The following DYM variants were observed in gnomAD, a reference collection of about 807,000 sequenced individuals.
The protein encoded by DYM is dyggve-Melchior-Clausen syndrome protein.
In DYM, 78 loss-of-function variants were observed where a neutral mutation model predicts 93.1. The ratio of observed to expected loss-of-function variants is 0.84; its 90% CI spans 0.70 to 1.01. The LOEUF is 1.01. Among genes scored for constraint, DYM ranks in the 50% least tolerant of loss-of-function variants. DYM has a pLI of 0.00. For synonymous variants in DYM, 321 were observed against 319.7 expected, an observed-to-expected ratio of 1.00 and a Z score of -0.04; for missense variants, 789 against 845.0, an observed-to-expected ratio of 0.93 and a Z score of 0.82.
chr18:49,320,127 AC>A (rs2062351285), intron 8 of DYM, among the ~76,000 whole-genome samples: 1 of 152,134 alleles, frequency 6.6e-6, no homozygotes, highest in East Asian at 1.9e-4. Flanking sequence ...GTCTGATCAG[AC>A]CCCACATTCT....
At chr18:49,229,129 A>G (rs1259606790) in intron 13 of DYM, among the ~76,000 whole-genome samples, 1 of 105,060 alleles carries the variant, frequency 9.5e-6, no homozygotes, top group Admixed American at 1.1e-4. Flanking sequence ...TAATAAAACT[A>G]ATTTTAGATT....
At chr18:49,078,977 T>TTA (rs2077549959) in intron 17 of DYM, among the ~76,000 whole-genome samples, 1 of 152,222 alleles carries the variant, frequency 6.6e-6, no homozygotes, top group Non-Finnish European at 1.5e-5. Flanking sequence ...TGGTACTATG[T>TTA]TATACTTTGT....
intron 14 of DYM, among the ~76,000 whole-genome samples, chr18:49,192,997 T>C (rs1008778375): frequency 1.3e-5 from 2 of 152,190 alleles, no homozygotes; most frequent in South Asian, 4.1e-4. Flanking sequence ...TTGCACAGCA[T>C]GGTGAATATA....
intron 2 of DYM, among the ~76,000 whole-genome samples, chr18:49,419,101 G>A (rs1433580032): frequency 2.0e-5 from 3 of 152,162 alleles, no homozygotes; most frequent in South Asian, 2.1e-4. Flanking sequence ...AGTGGCTCAC[G>A]CCTGTAATAC....
At chr18:49,292,624 A>AAAAAAAAAAAAAAAAAAAAAAC (rs1568189068) in intron 8 of DYM, among the ~76,000 whole-genome samples, 5 of 65,044 alleles carry the variant, frequency 7.7e-5, no homozygotes, top group South Asian at 1.1e-3. Context: ...AAAAAAAAAA[A>AAAAAAAAAAAAAAAAAAAAAAC]ACCCCCACAA....
At chr18:49,145,743 T>C (rs2085056214) in intron 15 of DYM, among the ~76,000 whole-genome samples, 1 of 152,234 alleles carries the variant, frequency 6.6e-6, no homozygotes, top group South Asian at 2.1e-4. Flanking sequence ...CAAAGCTTAT[T>C]CAACAAATTC....
chr18:49,131,707 T>A (rs1188540779), intron 15 of DYM, among the ~76,000 whole-genome samples: 1 of 152,166 alleles, frequency 6.6e-6, no homozygotes. Flanking sequence ...AGTGAGACAA[T>A]CATACCTTCT....
intron 17 of DYM, among the ~76,000 whole-genome samples, chr18:49,058,008 C>A (rs1320364379): frequency 6.6e-6 from 1 of 152,268 alleles, no homozygotes; most frequent in Non-Finnish European, 1.5e-5. Flanking sequence ...GGGCCAGGCA[C>A]AACTGCTGGC....
chr18:49,204,192 T>C (rs1346397701), intron 14 of DYM, among the ~76,000 whole-genome samples: 1 of 152,248 alleles, frequency 6.6e-6, no homozygotes, highest in Non-Finnish European at 1.5e-5. Flanking sequence ...AAGTATTAAC[T>C]AGTCAAGGAC....
intron 13 of DYM, among the ~76,000 whole-genome samples, chr18:49,214,061 C>T (rs189275960): frequency 2.6e-5 from 4 of 152,228 alleles, no homozygotes; most frequent in Admixed American, 2.6e-4. Flanking sequence ...ACAAAAGACA[C>T]GGATTCCCTT....
chr18:49,383,727 T>C (rs2068276921), intron 3 of DYM, among the ~76,000 whole-genome samples: 1 of 152,200 alleles, frequency 6.6e-6, no homozygotes, highest in African/African-American at 2.4e-5. Flanking sequence ...CTCAATGAAA[T>C]AGACAGCTCC....
intron 2 of DYM, among the ~76,000 whole-genome samples, chr18:49,412,246 A>AG (rs2072337958): frequency 6.6e-6 from 1 of 151,702 alleles, no homozygotes; most frequent in African/African-American, 2.4e-5. Context: ...TAAAAAAAAA[A>AG]AAAAAAAAAT....
At chr18:49,096,242 T>G (rs553509743) in intron 17 of DYM, among the ~76,000 whole-genome samples, 1 of 152,220 alleles carries the variant, frequency 6.6e-6, no homozygotes, top group Non-Finnish European at 1.5e-5. Flanking sequence ...AACAGAACAT[T>G]TGCCATCTTT....
At chr18:49,232,337 C>T (rs1434512342) in intron 13 of DYM, among the ~76,000 whole-genome samples, 20 of 150,388 alleles carry the variant, frequency 1.3e-4, no homozygotes, top group African/African-American at 4.9e-4. Context: ...GAAGGGGTCT[C>T]ACTCTGTCAC....
intron 11 of DYM, among the ~76,000 whole-genome samples, chr18:49,265,850 T>C (rs2145374231): frequency 6.7e-6 from 1 of 150,160 alleles, no homozygotes; most frequent in East Asian, 2.0e-4. Flanking sequence ...TAGAAGATGA[T>C]GAATAAAAAT....
chr18:49,438,054 G>A (rs2081014257), intron 1 of DYM, among the ~76,000 whole-genome samples: 1 of 151,992 alleles, frequency 6.6e-6, no homozygotes, highest in Non-Finnish European at 1.5e-5. Flanking sequence ...GGGCGTGGTG[G>A]CACAAGCCTG....
intron 15 of DYM, among the ~76,000 whole-genome samples, chr18:49,124,093 A>G (rs1414736688): frequency 2.6e-5 from 4 of 152,242 alleles, no homozygotes; most frequent in Non-Finnish European, 5.9e-5. Context: ...TGTTTAAATA[A>G]GTAATTTGCT....
chr18:49,277,203 G>T lies in DYM; in HGVS notation c.1125+4794C>A, dbSNP rs373407154. On this transcript the variant is annotated intron_variant, in intron 10 of 17. Coordinates refer to ENST00000675505, the MANE Select transcript of DYM (RefSeq NM_001353214.3). ...ATGGATATGAGATACAGGTAATCAG[G>T]ACTGCAAATACAGAACTGAACATAT... is the stretch of plus-strand genomic sequence containing the variant. 5.3e-5 allele frequency among the ~76,000 whole-genome samples: 8 copies of T among 152,262 alleles called. No homozygotes were observed. In the East Asian group the frequency reaches 1.4e-3, roughly 26 times the overall value.
chr18:49,317,688 C>CTTT (rs2062115660), intron 8 of DYM, among the ~76,000 whole-genome samples: 1 of 88,640 alleles, frequency 1.1e-5, no homozygotes, highest in African/African-American at 4.4e-5. Flanking sequence ...TTCCTTCCTT[C>CTTT]CTTTCTTTCT....
Sources: gnomAD v4.1 joint callset for allele counts (sites outside exome capture counted in the v4.1 genomes callset) on GRCh38, gnomAD v4.1.1 for gene constraint, MANE v1.5 for transcripts, NCBI Gene and HGNC (gene_info 2026-07-23, HGNC 2026-07-21) for gene names.